The following PRDM16 variants were observed in gnomAD, a reference collection of about 807,000 sequenced individuals.
The protein encoded by PRDM16 is histone-lysine N-methyltransferase PRDM16.
In PRDM16, 23 loss-of-function variants were observed where a neutral mutation model predicts 110.6. The observed-to-expected ratio is 0.21, with a 90% confidence interval of 0.15 to 0.29. The LOEUF is 0.29. PRDM16 is among the 10% of genes least tolerant of loss of function. PRDM16 has a pLI of 1.00. For synonymous variants in PRDM16, 799 were observed against 781.8 expected, an observed-to-expected ratio of 1.02 and a Z score of -0.37; for missense variants, 1,615 against 1,794.3, an observed-to-expected ratio of 0.90 and a Z score of 1.81.
intron 1 of PRDM16, among the ~76,000 whole-genome samples, chr1:3,113,881 G>A (rs1557455337): frequency 1.3e-5 from 2 of 152,266 alleles, no homozygotes; most frequent in Admixed American, 6.5e-5. Flanking sequence ...AATCGAAGGA[G>A]TTAGATGCTT....
intron 3 of PRDM16, among the ~76,000 whole-genome samples, chr1:3,300,369 GCCC>G (rs1641182204): frequency 4.5e-5 from 6 of 132,246 alleles, no homozygotes. Context: ...TGGTGACTCT[GCCC>G]TGGTTGAAGA....
At chr1:3,200,901 C>A (rs1638607396) in intron 2 of PRDM16, among the ~76,000 whole-genome samples, 1 of 150,848 alleles carries the variant, frequency 6.6e-6, no homozygotes, top group Admixed American at 6.6e-5. Flanking sequence ...AAGAGCCGAA[C>A]CGGGGGCAGA....
chr1:3,255,979 G>C lies in PRDM16; in HGVS notation c.438+11842G>C, dbSNP rs75004064. The stretch of plus-strand genomic sequence containing the variant: ...GTGGAACGAGCTCCGCCTCTCAGGG[G>C]AGGGACAGGATTACGTGGCAGAGAG... On this transcript the variant is annotated intron_variant, in intron 3 of 16. Coordinates refer to ENST00000270722, the MANE Select transcript of PRDM16 (RefSeq NM_022114.4). The surrounding 1 kb of genome is among the most constrained non-coding windows in gnomAD (Gnocchi z 4.7). Among the ~76,000 whole-genome samples, 19,452 of 152,152 alleles carry C rather than the reference G, an allele frequency of 0.13. 1,584 individuals carry two copies. Among genetic ancestry groups the C allele is most frequent in the Admixed American group, 0.25 (3,888 of 15,280 alleles).
At chr1:3,105,582 G>A (rs1642634302) in intron 1 of PRDM16, among the ~76,000 whole-genome samples, 1 of 152,112 alleles carries the variant, frequency 6.6e-6, no homozygotes, top group African/African-American at 2.4e-5. Context: ...TGTGAGCCTA[G>A]CGCTGTCCCC....
intron 11 of PRDM16, 132 bp downstream of exon 11, chr1:3,418,129 GT>G: frequency 1.3e-6 from 1 of 751,016 alleles, no homozygotes; most frequent in Non-Finnish European, 2.2e-6. Context: ...CAATCAGCTG[GT>G]TATCTGCTTG....
At chr1:3,311,248 C>T (rs1366758658) in intron 3 of PRDM16, among the ~76,000 whole-genome samples, 3 of 152,218 alleles carry the variant, frequency 2.0e-5, no homozygotes, top group Non-Finnish European at 4.4e-5. Flanking sequence ...ACTCCGAGGC[C>T]GGGTCTTTGT....
intron 1 of PRDM16, among the ~76,000 whole-genome samples, chr1:3,141,556 C>T (rs757986301): frequency 3.9e-5 from 6 of 152,350 alleles, no homozygotes; most frequent in Middle Eastern, 3.4e-3. Flanking sequence ...TATCAAAGCC[C>T]GGCCAGGCCT....
At chr1:3,242,064 A>G (rs567236442) in intron 2 of PRDM16, among the ~76,000 whole-genome samples, 17 of 152,344 alleles carry the variant, frequency 1.1e-4, no homozygotes, top group African/African-American at 3.8e-4. Flanking sequence ...CACTGGGAAC[A>G]GGAGGGAGCC....
chr1:3,380,314 AG>A (rs1176546913), intron 3 of PRDM16, among the ~76,000 whole-genome samples: 1 of 151,874 alleles, frequency 6.6e-6, no homozygotes, highest in Non-Finnish European at 1.5e-5. Context: ...CAGTCACCCC[AG>A]GGGGCCCACC....
chr1:3,085,787 C>T (rs1479211396), intron 1 of PRDM16, among the ~76,000 whole-genome samples: 3 of 152,226 alleles, frequency 2.0e-5, no homozygotes, highest in African/African-American at 7.2e-5. Flanking sequence ...GTCGGGTGGG[C>T]AGCAGGTGGC....
At chr1:3,264,727 G>A (rs1328876035) in intron 3 of PRDM16, among the ~76,000 whole-genome samples, 3 of 151,996 alleles carry the variant, frequency 2.0e-5, no homozygotes, top group Non-Finnish European at 2.9e-5. Context: ...GGGGCTTGCA[G>A]GTCCCATGTG....
intron 8 of PRDM16, among the ~76,000 whole-genome samples, chr1:3,410,372 GCACT>G (rs1643665332): frequency 6.6e-6 from 1 of 152,148 alleles, no homozygotes; most frequent in Admixed American, 6.5e-5. Flanking sequence ...CCAGAGCCGG[GCACT>G]GCCGCTTCCA....
In PRDM16 at chr1:3,341,510, C is replaced by T. The variant is rs1029468692; in HGVS notation, c.439-43642C>T. 2.4e-4 allele frequency among the ~76,000 whole-genome samples: 36 copies of T among 152,146 alleles called. 1 individual carries two copies. The highest frequency in any genetic ancestry group is 2.0e-3 in the Admixed American group (30 of 15,274). On this transcript the variant is annotated intron_variant, in intron 3 of 16. Coordinates refer to ENST00000270722, the MANE Select transcript of PRDM16 (RefSeq NM_022114.4). ...TCCGGCCAGCCTGGCTAGCGAGACC[C>T]GCCGTGAAGCACAGACAAAGAGGAA...
At chr1:3,084,681 C>T (rs748743206) in intron 1 of PRDM16, among the ~76,000 whole-genome samples, 10 of 152,126 alleles carry the variant, frequency 6.6e-5, no homozygotes, top group Admixed American at 1.3e-4. Context: ...CATCTGCCAG[C>T]GCTTATATCT....
chr1:3,244,276 C>A lies in PRDM16; in HGVS notation c.438+139C>A. The stretch of plus-strand genomic sequence containing the variant: ...TGGCAGGCCCCGAGCAATGTGTTAT[C>A]TGTGGACTGACGTGTGCACAGGACG... On this transcript the variant is annotated intron_variant, in intron 3 of 16. Transcript: ENST00000270722. This position sits in a 1 kb window ranked among gnomAD's most constrained non-coding sequence, Gnocchi z 4.1. 1 of 782,894 alleles carries A rather than the reference C, an allele frequency of 1.3e-6. No homozygotes were observed. The highest frequency in any genetic ancestry group is 2.1e-6 in the Non-Finnish European group (1 of 466,600). 48.5% of individuals were successfully genotyped at this position (782,894 alleles called of 1,614,324 possible).
At position 3,228,572 on chromosome 1, in the gene PRDM16, G is replaced by C. The variant is rs548493191; in HGVS notation, c.388-15515G>C. Among the ~76,000 whole-genome samples, 23 of 152,300 alleles carry C rather than the reference G, an allele frequency of 1.5e-4. 1 individual carries two copies. In the South Asian group the frequency reaches 4.8e-3, roughly 32 times the overall value. Reference sequence around the variant, plus strand: ...CCAAGATGGGCATAAAGTTGAATGAGGGCTGTATAGTCTCCCTGCCCTCTC... The same window carrying C: ...CCAAGATGGGCATAAAGTTGAATGACGGCTGTATAGTCTCCCTGCCCTCTC... On this transcript the variant is annotated intron_variant, in intron 2 of 16. Coordinates refer to ENST00000270722, the MANE Select transcript of PRDM16 (RefSeq NM_022114.4).
intron 3 of PRDM16, among the ~76,000 whole-genome samples, chr1:3,256,585 G>C (rs140254933): frequency 6.6e-6 from 1 of 152,210 alleles, no homozygotes; most frequent in East Asian, 1.9e-4. Context: ...TCGGTCGGGC[G>C]TGGTGGCTCA....
chr1:3,335,053 G>A (rs972348411), intron 3 of PRDM16, among the ~76,000 whole-genome samples: 8 of 152,230 alleles, frequency 5.3e-5, no homozygotes, highest in Non-Finnish European at 1.0e-4. Flanking sequence ...CAGAGAGGAC[G>A]GGGTGGCAGG....
At chr1:3,329,480 C>T (rs772649373) in intron 3 of PRDM16, among the ~76,000 whole-genome samples, 9 of 152,058 alleles carry the variant, frequency 5.9e-5, no homozygotes, top group Non-Finnish European at 1.3e-4. Context: ...GCTGTAGTGT[C>T]GGGGGCCGAG....
Sources: gnomAD v4.1 joint callset for allele counts (sites outside exome capture counted in the v4.1 genomes callset) on GRCh38, gnomAD v4.1.1 for gene constraint, Gnocchi (gnomAD v3.1) non-coding constraint, MANE v1.5 for transcripts, NCBI Gene and HGNC (gene_info 2026-07-23, HGNC 2026-07-21) for gene names.